Variants in NFIB observed in about 807,000 individuals in gnomAD.
NFIB encodes nuclear factor 1 B-type.
Under a neutral mutation model 61.5 loss-of-function variants are expected in NFIB, and 11 were observed. That is an observed-to-expected ratio of 0.18 (90% CI 0.11 to 0.30). The LOEUF (loss-of-function observed/expected upper bound fraction) is 0.30, where lower values mean the gene tolerates loss of function less well. Among genes scored for constraint, NFIB ranks in the 10% least tolerant of loss-of-function variants. NFIB has a pLI of 1.00. For synonymous variants in NFIB, 260 were observed against 216.5 expected, an observed-to-expected ratio of 1.20 and a Z score of -1.76; for missense variants, 471 against 608.9, an observed-to-expected ratio of 0.77 and a Z score of 2.38.
At chr9:14,377,348 C>T (rs1249136808) in intron 1 of NFIB, among the ~76,000 whole-genome samples, 1 of 152,018 alleles carries the variant, frequency 6.6e-6, no homozygotes, top group Non-Finnish European at 1.5e-5. Flanking sequence ...TCTGAGTAGC[C>T]AGGACTACAA....
chr9:14,349,783 A>G (rs1348704879), intron 1 of NFIB, among the ~76,000 whole-genome samples: 1 of 152,098 alleles, frequency 6.6e-6, no homozygotes, highest in Non-Finnish European at 1.5e-5. Flanking sequence ...ATTAGTGACA[A>G]TTTCTTGCAT....
At chr9:14,282,250 C>A (rs2058422582) in intron 2 of NFIB, among the ~76,000 whole-genome samples, 1 of 152,134 alleles carries the variant, frequency 6.6e-6, no homozygotes, top group Admixed American at 6.5e-5. Flanking sequence ...GACAGAAATG[C>A]TGCATTCATT....
At chr9:14,172,838 C>T (rs931582577) in intron 3 of NFIB, among the ~76,000 whole-genome samples, 4 of 151,784 alleles carry the variant, frequency 2.6e-5, no homozygotes, top group Non-Finnish European at 4.4e-5. Flanking sequence ...GACATGGTCT[C>T]GGCCCACTGC....
intron 2 of NFIB, among the ~76,000 whole-genome samples, chr9:14,288,244 C>T (rs1471394818): frequency 2.0e-5 from 3 of 151,838 alleles, no homozygotes; most frequent in South Asian, 2.1e-4. Context: ...CTTTACGAAA[C>T]ATTTTAAGAC....
At chr9:14,193,209 C>T (rs961334203) in intron 2 of NFIB, among the ~76,000 whole-genome samples, 2 of 151,234 alleles carry the variant, frequency 1.3e-5, no homozygotes, top group Non-Finnish European at 2.9e-5. Context: ...CCTACCCATC[C>T]ATCCAAGTTT....
the NFIB span, among the ~76,000 whole-genome samples, chr9:14,414,980 T>A: frequency 6.6e-6 from 1 of 152,196 alleles, no homozygotes; most frequent in Non-Finnish European, 1.5e-5. Flanking sequence ...GCTTAAAACA[T>A]CACCAAGTAT....
At chr9:14,239,550 A>G (rs979853917) in intron 2 of NFIB, among the ~76,000 whole-genome samples, 1 of 152,188 alleles carries the variant, frequency 6.6e-6, no homozygotes. Context: ...GAAAACAGAA[A>G]GAGAAAAGAT....
At chr9:14,269,574 G>A (rs2132312486) in intron 2 of NFIB, among the ~76,000 whole-genome samples, 1 of 152,252 alleles carries the variant, frequency 6.6e-6, no homozygotes, top group South Asian at 2.1e-4. Flanking sequence ...CTTACCATCT[G>A]CACACATTAC....
At chr9:14,523,275 G>C in the NFIB span, among the ~76,000 whole-genome samples, 1 of 152,206 alleles carries the variant, frequency 6.6e-6, no homozygotes, top group Non-Finnish European at 1.5e-5. Context: ...ACTTACAGTG[G>C]TCAAAGCAGG....
At chr9:14,445,487 T>C in the NFIB span, among the ~76,000 whole-genome samples, 1 of 152,170 alleles carries the variant, frequency 6.6e-6, no homozygotes, top group Non-Finnish European at 1.5e-5. Flanking sequence ...CCAGTTGGCA[T>C]AAGAAATTTT....
At chr9:14,473,086 A>T in the NFIB span, among the ~76,000 whole-genome samples, 4 of 152,192 alleles carry the variant, frequency 2.6e-5, no homozygotes, top group Admixed American at 1.3e-4. Context: ...CTACCTAAGG[A>T]CAGGGGGTTT....
the NFIB span, among the ~76,000 whole-genome samples, chr9:14,421,110 T>A: frequency 6.6e-6 from 1 of 151,218 alleles, no homozygotes; most frequent in South Asian, 2.1e-4. Flanking sequence ...AAGGCATGTA[T>A]ACCATGTGCA....
chr9:14,413,556 T>C, the NFIB span, among the ~76,000 whole-genome samples: 1 of 152,024 alleles, frequency 6.6e-6, no homozygotes, highest in Non-Finnish European at 1.5e-5. Context: ...CACTAGTAAT[T>C]ACCTCCTAGC....
At position 14,228,255 on chromosome 9, in the gene NFIB, C is replaced by T. The variant is rs533184335; in HGVS notation, c.563-48475G>A. Among the ~76,000 whole-genome samples the T allele has an allele frequency of 3.9e-4, 58 of 147,564 alleles. 1 individual carries two copies. The highest frequency in any genetic ancestry group is 1.3e-3 in the African/African-American group (54 of 40,002). ...TGTCATCCAGGCAGGAGTGCAGTGG[C>T]GCAATCTCGGCTCACTGCAGCCTCC... is the stretch of plus-strand genomic sequence containing the variant. On this transcript the variant is annotated intron_variant, in intron 2 of 10. Transcript: ENST00000380953.
intron 2 of NFIB, among the ~76,000 whole-genome samples, chr9:14,264,793 C>G (rs2057064842): frequency 6.6e-6 from 1 of 152,076 alleles, no homozygotes; most frequent in Non-Finnish European, 1.5e-5. Flanking sequence ...CAATAAGGAA[C>G]TTGAAAGGAA....
At chr9:14,123,797 G>A (rs1225679641) in intron 7 of NFIB, among the ~76,000 whole-genome samples, 1 of 148,660 alleles carries the variant, frequency 6.7e-6, no homozygotes, top group Non-Finnish European at 1.5e-5. Context: ...TTGCCCCTCT[G>A]CCTTCCATGT....
At chr9:14,195,899 T>C (rs2048418312) in intron 2 of NFIB, among the ~76,000 whole-genome samples, 1 of 152,144 alleles carries the variant, frequency 6.6e-6, no homozygotes, top group African/African-American at 2.4e-5. Flanking sequence ...TTTAAACTTT[T>C]TTTTTTGCAA....
the NFIB span, among the ~76,000 whole-genome samples, chr9:14,464,149 A>G: frequency 2.0e-5 from 3 of 152,360 alleles, no homozygotes; most frequent in Non-Finnish European, 4.4e-5. Context: ...GAAAAATGAA[A>G]GGAATAAAAA....
chr9:14,204,637 A>C (rs2131660608), intron 2 of NFIB: 1 of 677,520 alleles, frequency 1.5e-6, no homozygotes, highest in African/African-American at 1.8e-5. Flanking sequence ...CCTCCCCACT[A>C]AGAACACCTG....
Sources: allele counts gnomAD v4.1 joint callset (sites outside exome capture counted in the v4.1 genomes callset), GRCh38; gene constraint gnomAD v4.1.1; transcripts MANE v1.5; gene names NCBI Gene and HGNC (gene_info 2026-07-23, HGNC 2026-07-21).